The following LINGO2 variants were observed in gnomAD, a reference collection of about 807,000 sequenced individuals.
LINGO2 encodes leucine-rich repeat and immunoglobulin-like domain-containing nogo receptor-interacting protein 2.
LINGO2 carries 14 observed loss-of-function variants against 30.6 expected under a neutral mutation model. The observed-to-expected ratio is 0.46, with a 90% confidence interval of 0.30 to 0.72. LINGO2 has a LOEUF of 0.72. Ranked by LOEUF, LINGO2 falls within the 30% of genes least tolerant of loss-of-function variation. The probability of loss-of-function intolerance (pLI) is 0.07; values close to 1 mark genes in which losing one functional copy is unlikely to be tolerated. For synonymous variants in LINGO2, 317 were observed against 288.5 expected (o/e 1.10, Z -1.00); for missense variants, 729 against 751.7 (o/e 0.97, Z 0.35).
the LINGO2 span, chr9:27,940,837 C>G: frequency 0.27 from 40,613 of 152,054 alleles, 5,922 homozygotes; most frequent in Middle Eastern, 0.45. Flanking sequence ...GTATGTTTAG[C>G]TTCGAGTTCA....
chr9:27,977,239 G>T (rs2118852120), intron 5 of LINGO2, among the ~76,000 whole-genome samples: 1 of 151,120 alleles, frequency 6.6e-6, no homozygotes. Context: ...CAGAGATAAA[G>T]ACAAGAGGAG....
intron 2 of LINGO2, among the ~76,000 whole-genome samples, chr9:28,411,365 C>A (rs1822755952): frequency 6.6e-6 from 1 of 152,052 alleles, no homozygotes; most frequent in African/African-American, 2.4e-5. Context: ...ACATAACTTA[C>A]AATATACTAT....
chr9:28,234,999 A>G (rs1309110730), intron 4 of LINGO2, among the ~76,000 whole-genome samples: 3 of 152,218 alleles, frequency 2.0e-5, no homozygotes, highest in Admixed American at 6.5e-5. Context: ...CCTGGCTTCC[A>G]CACAGCATCT....
At chr9:28,483,226 G>A (rs1207151896) in intron 1 of LINGO2, among the ~76,000 whole-genome samples, 3 of 152,028 alleles carry the variant, frequency 2.0e-5, no homozygotes, top group African/African-American at 7.2e-5. Context: ...CACTACTGTT[G>A]AAAATCTTGC....
intron 4 of LINGO2, among the ~76,000 whole-genome samples, chr9:28,250,076 G>A (rs1365427815): frequency 1.3e-5 from 2 of 152,088 alleles, no homozygotes. Context: ...CAAAAGGACT[G>A]AAAATTATCA....
chr9:28,817,755 G>C, the LINGO2 span, among the ~76,000 whole-genome samples: 1 of 152,162 alleles, frequency 6.6e-6, no homozygotes, highest in Non-Finnish European at 1.5e-5. Flanking sequence ...AGTTCTCCAA[G>C]AGGAGGGCAA....
intron 1 of LINGO2, among the ~76,000 whole-genome samples, chr9:28,627,246 A>G (rs1340021784): frequency 1.3e-5 from 2 of 152,034 alleles, no homozygotes; most frequent in African/African-American, 4.8e-5. Flanking sequence ...TTCTGATTGG[A>G]CAGAGATATA....
At chr9:27,942,091 A>G in the LINGO2 span, 1 of 152,212 alleles carries the variant, frequency 6.6e-6, no homozygotes, top group Non-Finnish European at 1.5e-5. Context: ...AAAGTAGAAT[A>G]TCTTTAGAGT....
the LINGO2 span, among the ~76,000 whole-genome samples, chr9:29,119,331 G>C: frequency 4.0e-5 from 6 of 151,100 alleles, no homozygotes. Context: ...AAGGGACTCA[G>C]CTCAACAGCA....
chr9:28,408,656 T>C (rs1467049841), intron 2 of LINGO2, among the ~76,000 whole-genome samples: 1 of 150,438 alleles, frequency 6.6e-6, no homozygotes, highest in East Asian at 2.0e-4. Flanking sequence ...CATTAGGAGA[T>C]ATACCTAATG....
intron 5 of LINGO2, among the ~76,000 whole-genome samples, chr9:27,984,935 G>A (rs747665665): frequency 7.9e-5 from 12 of 151,984 alleles, no homozygotes; most frequent in East Asian, 1.9e-4. Flanking sequence ...AGGAAATAGC[G>A]TATTTAATTA....
intron 1 of LINGO2, among the ~76,000 whole-genome samples, chr9:28,504,636 G>T (rs1820029701): frequency 6.6e-6 from 1 of 150,496 alleles, no homozygotes; most frequent in African/African-American, 2.4e-5. Context: ...CATTAAAAAT[G>T]GACAAAATAT....
Position 28,585,789 on chromosome 9 carries a change from A to T in LINGO2, c.-365+84411T>A, listed in dbSNP as rs75442381. ...CCCAACAAGTTCCAACAGAGATGGG[A>T]TCTGTTCTTATTTTTGTTGTTGGTT... On this transcript the variant is annotated intron_variant, in intron 1 of 5. Coordinates refer to ENST00000379992, the Ensembl canonical transcript of LINGO2. 2.4e-3 allele frequency among the ~76,000 whole-genome samples: 372 copies of T among 152,086 alleles called. 7 individuals are homozygous for T. The East Asian group carries it at 0.049, about 20-fold the overall frequency.
chr9:28,471,089 C>G (rs774079560), intron 2 of LINGO2, among the ~76,000 whole-genome samples: 9 of 151,816 alleles, frequency 5.9e-5, no homozygotes, highest in Non-Finnish European at 1.3e-4. Context: ...TTCCATGTAC[C>G]TTTTAACTTA....
At chr9:28,386,269 A>G (rs1821576230) in intron 2 of LINGO2, among the ~76,000 whole-genome samples, 1 of 152,140 alleles carries the variant, frequency 6.6e-6, no homozygotes, top group South Asian at 2.1e-4. Flanking sequence ...GAGAGAGGCA[A>G]ACTTTCTAGC....
chr9:28,398,677 A>G (rs1405046543), intron 2 of LINGO2, among the ~76,000 whole-genome samples: 1 of 152,036 alleles, frequency 6.6e-6, no homozygotes, highest in Non-Finnish European at 1.5e-5. Context: ...TGTATGTTAG[A>G]GCAGGTAAGA....
At chr9:28,397,305 T>C (rs935506401) in intron 2 of LINGO2, among the ~76,000 whole-genome samples, 1 of 150,816 alleles carries the variant, frequency 6.6e-6, no homozygotes, top group Non-Finnish European at 1.5e-5. Flanking sequence ...TTTATTTATT[T>C]TTAAATTGAC....
chr9:28,429,261 T>A (rs1443982731), intron 2 of LINGO2, among the ~76,000 whole-genome samples: 2 of 152,178 alleles, frequency 1.3e-5, no homozygotes, highest in Non-Finnish European at 2.9e-5. Context: ...AAGAATATAT[T>A]GTATGCTCTG....
intron 3 of LINGO2, among the ~76,000 whole-genome samples, chr9:28,368,068 A>G (rs917897230): frequency 6.6e-6 from 1 of 151,264 alleles, no homozygotes; most frequent in African/African-American, 2.4e-5. Context: ...CTCTATCTCT[A>G]TCTCATCTAT....
Sources: allele counts gnomAD v4.1 joint callset (sites outside exome capture counted in the v4.1 genomes callset), GRCh38; gene constraint gnomAD v4.1.1; transcripts MANE v1.5; gene names NCBI Gene and HGNC (gene_info 2026-07-23, HGNC 2026-07-21).